NRG3: variants seen among roughly 807,000 people sequenced by gnomAD.
The protein encoded by NRG3 is neuregulin 3, also known as pro-neuregulin-3, membrane-bound isoform.
In NRG3, 31 loss-of-function variants were observed where a neutral mutation model predicts 66.9. That is an observed-to-expected ratio of 0.46 (90% CI 0.35 to 0.63). The LOEUF (loss-of-function observed/expected upper bound fraction) is 0.63. Ranked by LOEUF, NRG3 falls within the 20% of genes least tolerant of loss-of-function variation. The pLI is 0.00. For missense variants in NRG3, 910 were observed against 878.9 expected (o/e 1.04, Z -0.45); for synonymous variants, 393 against 359.4 (o/e 1.09, Z -1.06).
rs566724149 is a variant in NRG3, at chr10:82,469,695, C to T, written c.953+110827C>T. Among the ~76,000 whole-genome samples, 11 of 152,118 alleles carry T rather than the reference C, an allele frequency of 7.2e-5. No individual in the cohort carries two copies. In the East Asian group the frequency reaches 1.2e-3, roughly 16 times the overall value. ...TATTCCTCTGGGTACCTGGCCTTGC[C>T]GAAGATTTCTGAGTACATAGGAAGC... On this transcript the variant is annotated intron_variant, in intron 2 of 8. Coordinates refer to ENST00000372141, the MANE Select transcript of NRG3 (RefSeq NM_001010848.4).
intron 1 of NRG3, among the ~76,000 whole-genome samples, chr10:81,952,372 T>C (rs1016333194): frequency 1.3e-5 from 2 of 151,794 alleles, no homozygotes; most frequent in Non-Finnish European, 2.9e-5. Flanking sequence ...TATTGAAGTG[T>C]GCTTGTGTGT....
chr10:82,154,649 T>A (rs2071049779), intron 1 of NRG3, among the ~76,000 whole-genome samples: 1 of 151,862 alleles, frequency 6.6e-6, no homozygotes, highest in Admixed American at 6.6e-5. Context: ...ATCTGTAGAT[T>A]GCTTTGGGTA....
chr10:82,950,618 G>T (rs1012916804), intron 4 of NRG3, among the ~76,000 whole-genome samples: 2 of 152,192 alleles, frequency 1.3e-5, no homozygotes, highest in Non-Finnish European at 2.9e-5. Context: ...AGTAAATAGA[G>T]TATTTGCAAG....
At chr10:81,901,621 T>C (rs577373740) in intron 1 of NRG3, among the ~76,000 whole-genome samples, 1 of 152,234 alleles carries the variant, frequency 6.6e-6, no homozygotes, top group African/African-American at 2.4e-5. Context: ...GTGATACCGA[T>C]TGCATCACTG....
At chr10:82,466,195 C>T (rs1372510433) in intron 2 of NRG3, among the ~76,000 whole-genome samples, 2 of 152,100 alleles carry the variant, frequency 1.3e-5, no homozygotes, top group Non-Finnish European at 2.9e-5. Flanking sequence ...ACCTCTGTCT[C>T]TTCTACTTGG....
intron 2 of NRG3, among the ~76,000 whole-genome samples, chr10:82,563,799 T>C (rs1446355438): frequency 6.6e-6 from 1 of 152,054 alleles, no homozygotes; most frequent in African/African-American, 2.4e-5. Context: ...CAGTACATCA[T>C]TATTAACTAT....
intron 1 of NRG3, among the ~76,000 whole-genome samples, chr10:82,230,831 C>A (rs1252358032): frequency 1.3e-5 from 2 of 151,966 alleles, no homozygotes; most frequent in Non-Finnish European, 2.9e-5. Context: ...ATGGTGAATT[C>A]TTCATCTTTT....
chr10:82,035,042 T>A (rs2062738376), intron 1 of NRG3, among the ~76,000 whole-genome samples: 1 of 152,120 alleles, frequency 6.6e-6, no homozygotes, highest in African/African-American at 2.4e-5. Context: ...TGGTTCTGAA[T>A]AGAGTTGGCG....
chr10:82,378,457 G>A (rs1375888029), intron 2 of NRG3, among the ~76,000 whole-genome samples: 1 of 152,154 alleles, frequency 6.6e-6, no homozygotes, highest in African/African-American at 2.4e-5. Flanking sequence ...TTTAAGCCTG[G>A]ATCCCTGTAA....
intron 2 of NRG3, among the ~76,000 whole-genome samples, chr10:82,450,289 A>G (rs1193757516): frequency 3.3e-5 from 5 of 152,122 alleles, no homozygotes; most frequent in Non-Finnish European, 7.4e-5. Context: ...GTGGGTGCCT[A>G]TAGGCCTGGT....
intron 6 of NRG3, among the ~76,000 whole-genome samples, chr10:82,964,377 G>C (rs1850994949): frequency 6.6e-6 from 1 of 152,156 alleles, no homozygotes; most frequent in Non-Finnish European, 1.5e-5. Context: ...TCTCTAAAAA[G>C]GTGCAGTTAA....
chr10:82,464,080 A>C (rs2091647445), intron 2 of NRG3, among the ~76,000 whole-genome samples: 1 of 152,186 alleles, frequency 6.6e-6, no homozygotes, highest in Admixed American at 6.5e-5. Flanking sequence ...CTTATGAATC[A>C]GGTGGGGAAA....
chr10:82,462,631 G>A (rs999301272), intron 2 of NRG3, among the ~76,000 whole-genome samples: 47 of 152,086 alleles, frequency 3.1e-4, no homozygotes, highest in African/African-American at 1.1e-3. Flanking sequence ...CAGGAAGCTA[G>A]GAATATTCAT....
chr10:82,636,221 A>ATG (rs1491218917), intron 2 of NRG3, among the ~76,000 whole-genome samples: 2 of 19,590 alleles, frequency 1.0e-4, no homozygotes, highest in African/African-American at 1.9e-4. Context: ...GTCTATCTAC[A>ATG]TATGTGTGTG....
intron 1 of NRG3, among the ~76,000 whole-genome samples, chr10:81,965,686 A>G (rs1009754218): frequency 1.3e-5 from 2 of 152,160 alleles, no homozygotes; most frequent in African/African-American, 4.8e-5. Context: ...TGGGATCTTA[A>G]TAGCATTATC....
chr10:82,505,168 T>C (rs1332810786), intron 2 of NRG3, among the ~76,000 whole-genome samples: 2 of 152,154 alleles, frequency 1.3e-5, no homozygotes, highest in South Asian at 2.1e-4. Flanking sequence ...ATAGAAACAG[T>C]AGGGAAATGC....
In NRG3 at chr10:82,093,540, T is replaced by G. The variant is rs562517468; in HGVS notation, c.823+217377T>G. Among the ~76,000 whole-genome samples the G allele has an allele frequency of 1.8e-4, 27 of 152,334 alleles. No individual in the cohort carries two copies. In the South Asian group the frequency reaches 5.6e-3, roughly 32 times the overall value. ...ACTTCTGACATTGAGGAAATAGATA[T>G]GAAAGCAGCATCCATACGCACTTGA... On this transcript the variant is annotated intron_variant, in intron 1 of 8. Coordinates refer to ENST00000372141, the MANE Select transcript of NRG3 (RefSeq NM_001010848.4).
At chr10:82,076,985 A>G (rs1039385477) in intron 1 of NRG3, among the ~76,000 whole-genome samples, 1 of 152,226 alleles carries the variant, frequency 6.6e-6, no homozygotes, top group African/African-American at 2.4e-5. Context: ...TACTGGGTAG[A>G]TAAATCCCCA....
intron 1 of NRG3, among the ~76,000 whole-genome samples, chr10:81,994,066 A>G (rs1264165265): frequency 2.0e-5 from 3 of 152,216 alleles, no homozygotes; most frequent in African/African-American, 4.8e-5. Context: ...GGGTCAAAGA[A>G]TAACACCATT....
Sources: gnomAD v4.1 joint callset for allele counts (sites outside exome capture counted in the v4.1 genomes callset) on GRCh38, gnomAD v4.1.1 for gene constraint, MANE v1.5 for transcripts, NCBI Gene and HGNC (gene_info 2026-07-23, HGNC 2026-07-21) for gene names.